The following ARHGEF33 variants were observed in gnomAD, a reference collection of about 807,000 sequenced individuals.
The protein encoded by ARHGEF33 is Rho guanine nucleotide exchange factor 33, also known as DH and coiled-coil domain-containing protein ENSP00000381780.
In ARHGEF33, 72 loss-of-function variants were observed where a neutral mutation model predicts 101.9. The ratio of observed to expected loss-of-function variants is 0.71; its 90% CI spans 0.58 to 0.86. ARHGEF33 has a LOEUF of 0.86. ARHGEF33 is among the 40% of genes least tolerant of loss of function. ARHGEF33 has a pLI of 0.00. For synonymous variants in ARHGEF33, 499 were observed against 442.5 expected, an observed-to-expected ratio of 1.13 and a Z score of -1.60; for missense variants, 1,169 against 1,111.3, an observed-to-expected ratio of 1.05 and a Z score of -0.74.
intron 2 of ARHGEF33, among the ~76,000 whole-genome samples, chr2:38,907,890 A>C (rs1572742108): frequency 2.1e-5 from 3 of 141,566 alleles, no homozygotes; most frequent in East Asian, 2.0e-4. Context: ...ACAATGTCTC[A>C]CTCTGTCATC....
intron 7 of ARHGEF33, 35 bp downstream of exon 7, chr2:38,931,286 A>AT (rs1352833344): frequency 1.1e-5 from 17 of 1,514,624 alleles, no homozygotes; most frequent in African/African-American, 1.1e-4. Flanking sequence ...TTAATCAAGT[A>AT]TTTTTTTCCC....
chr2:38,935,893 T>C (rs1197605898), intron 8 of ARHGEF33, 59 bp downstream of exon 8: 1 of 1,336,866 alleles, frequency 7.5e-7, no homozygotes, highest in East Asian at 2.5e-5. Context: ...TTTCCACTTC[T>C]ATCTTCCCTG....
chr2:38,921,380 A>G lies in ARHGEF33; in HGVS notation c.32A>G (p.Asn11Ser). 1 of 1,541,466 alleles carries G rather than the reference A, an allele frequency of 6.5e-7. No individual in the cohort carries two copies. Among genetic ancestry groups the G allele is most frequent in the Non-Finnish European group, 8.8e-7 (1 of 1,137,618 alleles). Residue 11 changes from asparagine to serine, a missense_variant, in exon 4 of 18, where the codon AAT (asparagine) becomes AGT (serine). By Grantham distance (46) the Asn-to-Ser change is conservative. Coordinates refer to ENST00000409978, the MANE Select transcript of ARHGEF33 (RefSeq NM_001145451.5). MEKTKTKQGE[N>S]EHMPVNNPST... is the part of the protein sequence containing the mutation. Reference sequence around the variant, plus strand: ...AAGCTCTTTCTCCCTGCAGGAGAGAATGAACATATGCCGGTGAATAATCCT... The same window carrying G: ...AAGCTCTTTCTCCCTGCAGGAGAGAGTGAACATATGCCGGTGAATAATCCT...
chr2:38,892,682 TTAGAG>T (rs1558420479), intron 1 of ARHGEF33, among the ~76,000 whole-genome samples: 1 of 152,222 alleles, frequency 6.6e-6, no homozygotes. Context: ...TTCAAATAAG[TTAGAG>T]TAATTTTAAA....
At chr2:38,931,453 G>A in intron 7 of ARHGEF33, 1 of 489,102 alleles carries the variant, frequency 2.0e-6, no homozygotes, top group Non-Finnish European at 3.5e-6. Context: ...TTTTTTTGGT[G>A]TGTGGTCGGG....
chr2:38,927,140 G>A (rs1387261093), intron 4 of ARHGEF33, among the ~76,000 whole-genome samples: 1 of 152,100 alleles, frequency 6.6e-6, no homozygotes, highest in East Asian at 1.9e-4. Flanking sequence ...ATACTTGACA[G>A]GCCCTGCTTT....
rs1466718561 is a variant in ARHGEF33, at chr2:38,960,399, G to C, written c.2094G>C (p.Ala698=). The part of the protein sequence containing the change: ...SAYKLEAAAQ[A]HGKAKPLSRS... ...ACAAACTGGAGGCGGCGGCGCAGGC[G>C]CACGGCAAGGCCAAGCCGCTGAGCC... The change falls in exon 16 of 18, where the codon GCG becomes GCC. Residue 698 remains alanine (A), a synonymous_variant. Coordinates refer to ENST00000409978, the MANE Select transcript of ARHGEF33 (RefSeq NM_001145451.5). The C allele has an allele frequency of 1.3e-6, 2 of 1,508,316 alleles. No homozygotes were observed. Among genetic ancestry groups the C allele is most frequent in the South Asian group, 2.5e-5 (2 of 79,950 alleles). The allele number at this position is 1,508,316 out of a possible 1,614,324, so 93.4% of individuals were successfully genotyped here.
intron 15 of ARHGEF33, 152 bp from the exon 16 acceptor site, chr2:38,959,689 T>G: frequency 2.5e-6 from 2 of 788,958 alleles, no homozygotes; most frequent in East Asian, 2.8e-5. Context: ...GGAACGGGGG[T>G]TCGTGGGAGC....
Position 38,931,151 on chromosome 2 carries a change from C to T in ARHGEF33, c.405C>T (p.Ala135=). The part of the protein sequence containing the change: ...KEEHSSQAGP[A]QAQGSPFRSI... ...AGCACAGCTCACAGGCCGGGCCTGC[C>T]CAAGCACAAGGAAGTCCTTTTCGTT... is the stretch of plus-strand genomic sequence containing the variant. The change falls in exon 7 of 18, where the codon GCC becomes GCT. Residue 135 remains alanine, a synonymous_variant. Coordinates refer to ENST00000409978, the MANE Select transcript of ARHGEF33 (RefSeq NM_001145451.5). The T allele has an allele frequency of 1.3e-6, 2 of 1,551,570 alleles. No homozygotes were observed. The highest frequency in any genetic ancestry group is 1.7e-6 in the Non-Finnish European group (2 of 1,146,904).
At chr2:38,945,564 G>A (rs1051323963) in intron 10 of ARHGEF33, among the ~76,000 whole-genome samples, 1 of 152,090 alleles carries the variant, frequency 6.6e-6, no homozygotes, top group African/African-American at 2.4e-5. Flanking sequence ...TCCCAGCTGC[G>A]CTGCAGGCCT....
chr2:38,898,295 C>T (rs1666165022), intron 2 of ARHGEF33, among the ~76,000 whole-genome samples: 1 of 152,178 alleles, frequency 6.6e-6, no homozygotes, highest in Admixed American at 6.5e-5. Flanking sequence ...AGTTCTGAAA[C>T]TGTATGAGAA....
rs1267599105 is a variant in ARHGEF33 at position 38,960,031 on chromosome 2, C to T, written c.1726C>T (p.Pro576Ser). ...GCTGGCCGGGCCCCTGCAGGCCATC[C>T]CGGAGATGGACTTCGAGTCCTCTCC... ...KALAGPLQAI[P>S]EMDFESSPAE... Residue 576 changes from proline to serine, a missense_variant, in exon 16 of 18, where the codon CCG becomes TCG. By Grantham distance (74) the Pro-to-Ser change is moderately conservative. Coordinates refer to ENST00000409978, the MANE Select transcript of ARHGEF33 (RefSeq NM_001145451.5). 1 of 1,546,124 alleles carries T rather than the reference C, an allele frequency of 6.5e-7. No individual in the cohort carries two copies. The highest frequency in any genetic ancestry group is 1.2e-5 in the South Asian group (1 of 83,870).
intron 1 of ARHGEF33, among the ~76,000 whole-genome samples, chr2:38,894,332 T>TAA (rs35702370): frequency 2.7e-4 from 39 of 146,154 alleles, no homozygotes; most frequent in Admixed American, 4.8e-4. Flanking sequence ...AACCTGCCTT[T>TAA]AAAAAAAAAA....
At chr2:38,904,986 G>A (rs1666355864) in intron 2 of ARHGEF33, among the ~76,000 whole-genome samples, 1 of 152,144 alleles carries the variant, frequency 6.6e-6, no homozygotes, top group Non-Finnish European at 1.5e-5. Flanking sequence ...TAGGATGAGA[G>A]GCGATCATTC....
chr2:38,890,808 T>C (rs1665979939), intron 1 of ARHGEF33, among the ~76,000 whole-genome samples: 1 of 152,184 alleles, frequency 6.6e-6, no homozygotes, highest in South Asian at 2.1e-4. Flanking sequence ...ATCAGAAATG[T>C]ATCCTAGAGA....
chr2:38,963,815 G>A (rs1667997108), intron 16 of ARHGEF33, among the ~76,000 whole-genome samples: 1 of 152,108 alleles, frequency 6.6e-6, no homozygotes, highest in South Asian at 2.1e-4. Flanking sequence ...AGTGTAGGTG[G>A]GCAGAAGCAT....
intron 1 of ARHGEF33, among the ~76,000 whole-genome samples, chr2:38,891,094 C>T (rs1161565909): frequency 2.6e-5 from 4 of 151,750 alleles, no homozygotes; most frequent in African/African-American, 4.8e-5. Context: ...CCACCACACC[C>T]GGCTAATTTT....
chr2:38,973,942 A>C lies in ARHGEF33; in HGVS notation c.*99A>C. 1 of 728,776 alleles carries C rather than the reference A, an allele frequency of 1.4e-6. No individual in the cohort carries two copies. Among genetic ancestry groups the C allele is most frequent in the Non-Finnish European group, 1.8e-6 (1 of 562,356 alleles). The allele number at this position is 728,776 out of a possible 1,614,324, so 45.1% of individuals were successfully genotyped here. ...TATATATATCTATATCTATATATATATATATATCGATGTATAAATCCCTGA... is the reference window on the plus strand; with the variant it reads ...TATATATATCTATATCTATATATATCTATATATCGATGTATAAATCCCTGA... On this transcript the variant is annotated 3_prime_UTR_variant, in exon 18 of 18. Transcript: ENST00000409978.
chr2:38,905,510 A>G (rs1666368937), intron 2 of ARHGEF33, among the ~76,000 whole-genome samples: 1 of 152,208 alleles, frequency 6.6e-6, no homozygotes, highest in African/African-American at 2.4e-5. Context: ...TATACTACAG[A>G]TGAGGAAATG....
Sources: allele counts gnomAD v4.1 joint callset (sites outside exome capture counted in the v4.1 genomes callset), GRCh38; gene constraint gnomAD v4.1.1; transcripts MANE v1.5; gene names NCBI Gene and HGNC (gene_info 2026-07-23, HGNC 2026-07-21).